The following TACC1 variants were observed in gnomAD, a reference collection of about 807,000 sequenced individuals.
TACC1 encodes the protein transforming acidic coiled-coil-containing protein 1.
A neutral mutation model predicts 84.4 loss-of-function variants in TACC1; 48 were observed. The ratio of observed to expected loss-of-function variants is 0.57; its 90% CI spans 0.45 to 0.72. The LOEUF (loss-of-function observed/expected upper bound fraction) is 0.72, where lower values mean the gene tolerates loss of function less well. Among genes scored for constraint, TACC1 ranks in the 30% least tolerant of loss-of-function variants. The pLI, the probability that TACC1 is intolerant of heterozygous loss-of-function variation, is 0.00. For synonymous variants in TACC1, 372 were observed against 376.3 expected, an observed-to-expected ratio of 0.99 and a Z score of 0.13; for missense variants, 920 against 973.0, an observed-to-expected ratio of 0.95 and a Z score of 0.72.
At chr8:38,810,071 A>C (rs1050795353) in intron 2 of TACC1, among the ~76,000 whole-genome samples, 2 of 152,242 alleles carry the variant, frequency 1.3e-5, no homozygotes, top group Non-Finnish European at 2.9e-5. Context: ...AGGACTATCA[A>C]GATTTTGCCA....
chr8:38,740,448 C>G (rs989697638), intron 1 of TACC1, among the ~76,000 whole-genome samples: 5 of 152,154 alleles, frequency 3.3e-5, no homozygotes, highest in Admixed American at 6.5e-5. Context: ...TTGCCCGCAC[C>G]TTTTTGATCC....
At chr8:38,813,011 T>A (rs561346788) in intron 2 of TACC1, among the ~76,000 whole-genome samples, 1 of 152,352 alleles carries the variant, frequency 6.6e-6, no homozygotes, top group African/African-American at 2.4e-5. Context: ...TGCATGATTG[T>A]TTGTTTTCTC....
intron 3 of TACC1, among the ~76,000 whole-genome samples, chr8:38,768,063 G>C (rs1273235474): frequency 7.3e-6 from 1 of 137,538 alleles, no homozygotes; most frequent in Non-Finnish European, 1.6e-5. Flanking sequence ...GTGAGACGCT[G>C]TCTTGAAGGA....
chr8:38,783,102 C>CTATA (rs779724480), upstream of TACC1, among the ~76,000 whole-genome samples: 27 of 97,228 alleles, frequency 2.8e-4, no homozygotes, highest in East Asian at 4.5e-4. Context: ...ATCTATCTAT[C>CTATA]TATCTATATA....
chr8:38,808,919 TTTGGACCTTCTC>T (rs1391012866), intron 2 of TACC1, among the ~76,000 whole-genome samples: 1 of 152,054 alleles, frequency 6.6e-6, no homozygotes, highest in African/African-American at 2.4e-5. Context: ...CCTCTGCTTG[TTTGGACCTTCTC>T]TTGGTGACTG....
chr8:38,742,869 C>T (rs372352439), intron 2 of TACC1, among the ~76,000 whole-genome samples: 56 of 152,234 alleles, frequency 3.7e-4, no homozygotes, highest in Admixed American at 2.6e-3. Context: ...TGAGCACCAC[C>T]GCAACTGGCT....
At chr8:38,813,176 C>A (rs1587909699) in intron 2 of TACC1, among the ~76,000 whole-genome samples, 1 of 152,130 alleles carries the variant, frequency 6.6e-6, no homozygotes, top group African/African-American at 2.4e-5. Context: ...TACAGATACA[C>A]CACCTTGATC....
Position 38,838,572 on chromosome 8 carries a change from G to A in TACC1, c.1916+26G>A, listed in dbSNP as rs1830653389. 1.9e-6 allele frequency: 3 copies of A among 1,578,616 alleles called. No individual in the cohort carries two copies. The African/African-American group carries it at 4.0e-5, about 21-fold the overall frequency. On this transcript the variant is annotated intron_variant, in intron 8 of 12. Coordinates refer to ENST00000317827, the MANE Select transcript of TACC1 (RefSeq NM_006283.3). ...GTTAGACTGGAGGTTTTGGGGAGGGGCTGGATACTTTTATGCACTGTTAGA... is the reference window on the plus strand; with the variant it reads ...GTTAGACTGGAGGTTTTGGGGAGGGACTGGATACTTTTATGCACTGTTAGA...
chr8:38,773,593 T>TAGCTATCTAG (rs1563381969), intron 3 of TACC1, among the ~76,000 whole-genome samples: 2 of 113,386 alleles, frequency 1.8e-5, no homozygotes, highest in Non-Finnish European at 4.2e-5. Flanking sequence ...TATCTAGCTA[T>TAGCTATCTAG]CTATCTATCT....
rs544602974 is a variant in TACC1, at chr8:38,751,035, C to A, written c.26+5542C>A. On this transcript the variant is annotated intron_variant, in intron 3 of 14. Coordinates refer to the TACC1 transcript ENST00000518415. ...CACTTCAGCTACCTGATTTCAAGAA[C>A]AATATGTGGCTCTGAAGGAATGAAC... Among the ~76,000 whole-genome samples the A allele has an allele frequency of 2.9e-3, 444 of 152,222 alleles. 2 individuals carry two copies. Among genetic ancestry groups the A allele is most frequent in the African/African-American group, 0.01 (433 of 41,540 alleles).
chr8:38,754,891 A>C (rs953769922), intron 3 of TACC1, among the ~76,000 whole-genome samples: 1 of 152,226 alleles, frequency 6.6e-6, no homozygotes, highest in Non-Finnish European at 1.5e-5. Context: ...GGCCGGGCAC[A>C]GTGGCTCACG....
At chr8:38,816,227 C>T (rs1825412987) in intron 2 of TACC1, among the ~76,000 whole-genome samples, 1 of 152,050 alleles carries the variant, frequency 6.6e-6, no homozygotes, top group Non-Finnish European at 1.5e-5. Flanking sequence ...AGAAATAGTA[C>T]ATAAAGTGGT....
chr8:38,775,242 T>C (rs1195638364), intron 3 of TACC1, among the ~76,000 whole-genome samples: 1 of 152,188 alleles, frequency 6.6e-6, no homozygotes, highest in African/African-American at 2.4e-5. Context: ...ATCCTAGTTG[T>C]GCACTTTGGT....
chr8:38,756,831 G>A (rs1309964090), intron 3 of TACC1, among the ~76,000 whole-genome samples: 1 of 151,876 alleles, frequency 6.6e-6, no homozygotes, highest in Admixed American at 6.5e-5. Context: ...CCTTTGCAGG[G>A]CCGCCTGGGT....
chr8:38,769,849 T>G, intron 3 of TACC1, among the ~76,000 whole-genome samples: 2 of 139,470 alleles, frequency 1.4e-5, no homozygotes, highest in African/African-American at 2.7e-5. Flanking sequence ...GGGTTAGGGG[T>G]GTGGTGTGTG....
intron 1 of TACC1, among the ~76,000 whole-genome samples, chr8:38,730,043 C>T (rs1384910306): frequency 6.6e-6 from 1 of 152,192 alleles, no homozygotes; most frequent in Non-Finnish European, 1.5e-5. Flanking sequence ...TGTCGAGGTT[C>T]CCAGTTAAAA....
chr8:38,829,329 A>G (rs1828760470), intron 5 of TACC1, among the ~76,000 whole-genome samples: 1 of 152,128 alleles, frequency 6.6e-6, no homozygotes, highest in Admixed American at 6.5e-5. Flanking sequence ...TATGCCAGGC[A>G]TTGTTCCTGA....
chr8:38,748,478 A>C (rs1808452949), intron 3 of TACC1, among the ~76,000 whole-genome samples: 1 of 152,208 alleles, frequency 6.6e-6, no homozygotes, highest in South Asian at 2.1e-4. Flanking sequence ...CATTTCACTC[A>C]GCAATAGCAA....
chr8:38,754,283 C>G (rs1809603419), intron 3 of TACC1, among the ~76,000 whole-genome samples: 1 of 151,976 alleles, frequency 6.6e-6, no homozygotes, highest in Non-Finnish European at 1.5e-5. Flanking sequence ...TTTTAGTGGC[C>G]CCACCCTGTG....
Sources: gnomAD v4.1 joint callset for allele counts (sites outside exome capture counted in the v4.1 genomes callset) on GRCh38, gnomAD v4.1.1 for gene constraint, MANE v1.5 for transcripts, NCBI Gene and HGNC (gene_info 2026-07-23, HGNC 2026-07-21) for gene names.